Variants in DLEU7 observed in about 807,000 individuals in gnomAD.
DLEU7 encodes the protein deleted in lymphocytic leukemia 7.
A neutral mutation model predicts 16.0 loss-of-function variants in DLEU7; 17 were observed. That is an observed-to-expected ratio of 1.06 (90% CI 0.73 to 1.59). The LOEUF (loss-of-function observed/expected upper bound fraction) is 1.59. Ranked by LOEUF, DLEU7 falls within the 40% of genes most tolerant of loss-of-function variation. The probability of loss-of-function intolerance (pLI) is 0.00; values close to 1 mark genes in which losing one functional copy is unlikely to be tolerated. For missense variants in DLEU7, 308 were observed against 314.9 expected (o/e 0.98, Z 0.17); for synonymous variants, 113 against 139.8 (o/e 0.81, Z 1.35).
At chr13:50,713,760 C>T (rs1449815868) in intron 1 of DLEU7, among the ~76,000 whole-genome samples, 1 of 152,152 alleles carries the variant, frequency 6.6e-6, no homozygotes, top group Non-Finnish European at 1.5e-5. Context: ...GGAAGCTGGG[C>T]TTGATTATAA....
chr13:50,742,700 T>G (rs1874285475), intron 1 of DLEU7, among the ~76,000 whole-genome samples: 1 of 152,158 alleles, frequency 6.6e-6, no homozygotes, highest in African/African-American at 2.4e-5. Flanking sequence ...GCCAGAAAAC[T>G]AACTGTAAAG....
intron 1 of DLEU7, among the ~76,000 whole-genome samples, chr13:50,761,252 A>G (rs1417721719): frequency 1.3e-5 from 2 of 152,208 alleles, no homozygotes; most frequent in African/African-American, 2.4e-5. Flanking sequence ...AGAATGTTTT[A>G]TAGAGCTTTA....
chr13:50,747,324 G>T, intron 1 of DLEU7, among the ~76,000 whole-genome samples: 1 of 137,304 alleles, frequency 7.3e-6, no homozygotes, highest in South Asian at 2.4e-4. Context: ...AAAAAGAAAA[G>T]AAAAACTCTG....
chr13:50,836,020 A>T (rs1025221722), intron 1 of DLEU7, among the ~76,000 whole-genome samples: 1 of 152,252 alleles, frequency 6.6e-6, no homozygotes, highest in Non-Finnish European at 1.5e-5. Context: ...AATGCAGATA[A>T]CATTTAAACA....
At chr13:50,797,652 G>A (rs1054311651) in intron 1 of DLEU7, among the ~76,000 whole-genome samples, 3 of 152,130 alleles carry the variant, frequency 2.0e-5, no homozygotes, top group Non-Finnish European at 4.4e-5. Context: ...AAAAGATTAA[G>A]GGTGTTTTCC....
At chr13:50,766,778 G>C (rs1294337344) in intron 1 of DLEU7, among the ~76,000 whole-genome samples, 2 of 152,160 alleles carry the variant, frequency 1.3e-5, no homozygotes, top group Admixed American at 6.5e-5. Context: ...CATGGCCTAA[G>C]ACTCGACACA....
chr13:50,713,368 AAC>A lies in DLEU7; in HGVS notation c.460-130_460-129del, dbSNP rs1406163838. 6.1e-6 allele frequency: 7 copies of A among 1,145,700 alleles called. No individual in the cohort carries two copies. In the African/African-American group the frequency reaches 1.1e-4, roughly 17 times the overall value. 71.0% of individuals were successfully genotyped at this position (1,145,700 alleles called of 1,614,324 possible). A position where few individuals can be genotyped will look rare whatever the true frequency, so the allele number is the denominator to read the frequency against. On this transcript the variant is annotated intron_variant, in intron 1 of 1. Transcript: ENST00000400393. ...GCATTAGGTACTGGAGATATGGGCT[AAC>A]ACACATTTCTTGGCTACCCATTATA...
chr13:50,836,730 G>A (rs1877480420), intron 1 of DLEU7, among the ~76,000 whole-genome samples: 1 of 151,964 alleles, frequency 6.6e-6, no homozygotes, highest in Non-Finnish European at 1.5e-5. Context: ...AGGCAAGGAA[G>A]GAAGAAGTCT....
intron 1 of DLEU7, among the ~76,000 whole-genome samples, chr13:50,817,817 A>G (rs1876780290): frequency 6.6e-6 from 1 of 152,112 alleles, no homozygotes; most frequent in Non-Finnish European, 1.5e-5. Flanking sequence ...AGTGTAAGGC[A>G]GGCAGTCAAA....
intron 1 of DLEU7, among the ~76,000 whole-genome samples, chr13:50,825,932 C>T (rs1877068787): frequency 6.6e-6 from 1 of 152,112 alleles, no homozygotes; most frequent in Admixed American, 6.5e-5. Flanking sequence ...CATACGTATA[C>T]ATGTGCCATG....
At chr13:50,809,698 T>A (rs1299556545) in intron 1 of DLEU7, among the ~76,000 whole-genome samples, 1 of 152,164 alleles carries the variant, frequency 6.6e-6, no homozygotes, top group Non-Finnish European at 1.5e-5. Flanking sequence ...AACACTTTTT[T>A]CTTTTTGGTG....
intron 1 of DLEU7, among the ~76,000 whole-genome samples, chr13:50,784,493 T>G (rs1875745907): frequency 6.6e-6 from 1 of 152,230 alleles, no homozygotes; most frequent in Non-Finnish European, 1.5e-5. Flanking sequence ...GAATTTTCGA[T>G]CACATTATTC....
intron 1 of DLEU7, among the ~76,000 whole-genome samples, chr13:50,725,424 C>T (rs1039598426): frequency 2.0e-5 from 3 of 152,148 alleles, no homozygotes; most frequent in African/African-American, 7.2e-5. Context: ...TGGTTTTTCC[C>T]TCCTTTAGTC....
chr13:50,755,767 G>A (rs920373511), intron 1 of DLEU7, among the ~76,000 whole-genome samples: 8 of 151,954 alleles, frequency 5.3e-5, no homozygotes, highest in Admixed American at 2.0e-4. Flanking sequence ...GGGGGGGCAC[G>A]GTATTAAAGA....
chr13:50,812,968 C>T (rs1221624558), intron 1 of DLEU7: 1 of 151,994 alleles, frequency 6.6e-6, no homozygotes, highest in Admixed American at 6.6e-5. Context: ...AAAGATAAAA[C>T]ACCAAATAAA....
intron 1 of DLEU7, among the ~76,000 whole-genome samples, chr13:50,771,107 G>A (rs962728962): frequency 8.5e-5 from 13 of 152,202 alleles, no homozygotes; most frequent in South Asian, 4.1e-4. Context: ...TGGAATCGGT[G>A]GTGATAACCC....
intron 1 of DLEU7, among the ~76,000 whole-genome samples, chr13:50,812,720 A>G (rs183830162): frequency 9.9e-5 from 15 of 151,928 alleles, no homozygotes; most frequent in Non-Finnish European, 1.6e-4. Context: ...ACATATAGCT[A>G]TATATGTATA....
intron 1 of DLEU7, among the ~76,000 whole-genome samples, chr13:50,771,551 A>C (rs1407122694): frequency 6.6e-6 from 1 of 152,186 alleles, no homozygotes; most frequent in Non-Finnish European, 1.5e-5. Flanking sequence ...CAGGTTGTTC[A>C]GTTTCCATGT....
exon 2 of DLEU7, chr13:50,712,185 G>A (rs1253377982): frequency 2.0e-5 from 3 of 152,158 alleles, no homozygotes; most frequent in Non-Finnish European, 2.9e-5. Context: ...TGGGCCAAGT[G>A]CCCACATCAG....
Sources: allele counts gnomAD v4.1 joint callset (sites outside exome capture counted in the v4.1 genomes callset), GRCh38; gene constraint gnomAD v4.1.1; transcripts MANE v1.5; gene names NCBI Gene and HGNC (gene_info 2026-07-23, HGNC 2026-07-21).